The following SUMF1 variants were observed in gnomAD, a reference collection of about 807,000 sequenced individuals.
SUMF1 encodes formylglycine-generating enzyme.
SUMF1 carries 48 observed loss-of-function variants against 47.6 expected under a neutral mutation model. The ratio of observed to expected loss-of-function variants is 1.01; its 90% CI spans 0.80 to 1.28. The LOEUF is 1.28. Among genes scored for constraint, SUMF1 ranks in the 50% most tolerant of loss-of-function variants. SUMF1 has a pLI of 0.00. For missense variants in SUMF1, 571 were observed against 485.4 expected (o/e 1.18, Z -1.66); for synonymous variants, 230 against 192.1 (o/e 1.20, Z -1.63).
chr3:4,085,700 C>A (rs1240230002), intron 8 of SUMF1, among the ~76,000 whole-genome samples: 1 of 152,056 alleles, frequency 6.6e-6, no homozygotes, highest in Non-Finnish European at 1.5e-5. Flanking sequence ...TATATAAATG[C>A]TACAGAGACT....
intron 8 of SUMF1, among the ~76,000 whole-genome samples, chr3:4,299,134 T>A (rs1025771785): frequency 6.6e-6 from 1 of 152,232 alleles, no homozygotes; most frequent in Non-Finnish European, 1.5e-5. Context: ...CTATATCTGA[T>A]AAAATATTTA....
At chr3:4,435,597 C>G (rs1702371698) in intron 3 of SUMF1, among the ~76,000 whole-genome samples, 1 of 152,154 alleles carries the variant, frequency 6.6e-6, no homozygotes, top group African/African-American at 2.4e-5. Context: ...CCAAATGCAT[C>G]ATCATCAAAC....
intron 1 of SUMF1, among the ~76,000 whole-genome samples, chr3:4,462,651 C>G (rs558938936): frequency 6.6e-6 from 1 of 152,248 alleles, no homozygotes; most frequent in African/African-American, 2.4e-5. Flanking sequence ...CTCTCCTCAA[C>G]CTTAACATTA....
intron 8 of SUMF1, among the ~76,000 whole-genome samples, chr3:4,110,196 C>T (rs1281679360): frequency 6.6e-6 from 1 of 152,110 alleles, no homozygotes; most frequent in Non-Finnish European, 1.5e-5. Context: ...CCACTCCAGA[C>T]CCTGTTTGCC....
At chr3:4,254,315 G>C (rs1442187454) in intron 8 of SUMF1, among the ~76,000 whole-genome samples, 1 of 151,502 alleles carries the variant, frequency 6.6e-6, no homozygotes, top group Non-Finnish European at 1.5e-5. Context: ...AAATTACTCT[G>C]AGCTATGGGA....
intron 8 of SUMF1, among the ~76,000 whole-genome samples, chr3:4,133,337 C>A (rs4318536): frequency 0.024 from 3,693 of 152,052 alleles, 141 homozygotes; most frequent in African/African-American, 0.085. Flanking sequence ...ATAATTATGA[C>A]CTTATTATTG....
chr3:4,445,955 A>T (rs1443802646), intron 3 of SUMF1, among the ~76,000 whole-genome samples: 1 of 152,222 alleles, frequency 6.6e-6, no homozygotes. Context: ...GAAATATTTA[A>T]TCAAAAAATA....
At chr3:4,132,750 G>A (rs1031122906) in intron 8 of SUMF1, among the ~76,000 whole-genome samples, 2 of 152,102 alleles carry the variant, frequency 1.3e-5, no homozygotes, top group African/African-American at 4.8e-5. Context: ...GGCTAAGAAG[G>A]GAGTTACAGT....
At chr3:4,433,479 C>T (rs1702300693) in intron 3 of SUMF1, among the ~76,000 whole-genome samples, 1 of 152,150 alleles carries the variant, frequency 6.6e-6, no homozygotes. Context: ...TGAACAACTA[C>T]TCTTTTCAAA....
chr3:4,194,872 C>T (rs901665934), intron 8 of SUMF1, among the ~76,000 whole-genome samples: 8 of 152,042 alleles, frequency 5.3e-5, no homozygotes, highest in East Asian at 1.9e-4. Context: ...GATAAGCTAG[C>T]GGTAAAATAT....
intron 7 of SUMF1, among the ~76,000 whole-genome samples, chr3:4,406,198 C>T (rs1355360169): frequency 6.6e-6 from 1 of 152,098 alleles, no homozygotes; most frequent in Non-Finnish European, 1.5e-5. Flanking sequence ...ATAAAGTTTG[C>T]ACATACAATG....
intron 8 of SUMF1, among the ~76,000 whole-genome samples, chr3:4,069,429 A>G (rs1054589881): frequency 6.6e-6 from 1 of 152,212 alleles, no homozygotes; most frequent in Non-Finnish European, 1.5e-5. Context: ...TAATTTTATC[A>G]CTGAACTTAT....
rs572519924 is a variant in SUMF1 at position 4,456,764 on chromosome 3, A to G, written c.271-3715T>C. Among the ~76,000 whole-genome samples the G allele has an allele frequency of 1.5e-4, 21 of 139,364 alleles. No individual in the cohort carries two copies. In the East Asian group the frequency reaches 4.4e-3, roughly 29 times the overall value. 91.4% of individuals were successfully genotyped at this position (139,364 alleles called of 152,430 possible). On this transcript the variant is annotated intron_variant, in intron 1 of 8. Transcript: ENST00000272902. Reference sequence around the variant, plus strand: ...TACACACATATATACGTGTGTGTGTATATATACACATATATACGTGTGTGT... The same window carrying G: ...TACACACATATATACGTGTGTGTGTGTATATACACATATATACGTGTGTGT...
chr3:4,298,093 TC>T (rs1697890158), intron 8 of SUMF1, among the ~76,000 whole-genome samples: 1 of 152,166 alleles, frequency 6.6e-6, no homozygotes, highest in African/African-American at 2.4e-5. Context: ...CAGTGAAAAA[TC>T]CAAAAGAAAT....
At chr3:4,313,791 C>G (rs1698524460) in intron 8 of SUMF1, 6 of 1,613,256 alleles carry the variant, frequency 3.7e-6, no homozygotes, top group Non-Finnish European at 5.1e-6. Flanking sequence ...AGCAGCTTGC[C>G]CCTCCCTATA....
chr3:4,432,845 C>T (rs911129889), intron 3 of SUMF1, among the ~76,000 whole-genome samples: 3 of 152,092 alleles, frequency 2.0e-5, no homozygotes, highest in Non-Finnish European at 2.9e-5. Flanking sequence ...CAACCTAGCC[C>T]CTAGTACATA....
chr3:4,466,995 C>T lies in SUMF1; in HGVS notation c.251G>A (p.Arg84Gln), dbSNP rs762094231. The change falls in exon 1 of 9, where the codon CGG becomes CAG. Residue 84 changes from arginine (R) to glutamine (Q), a missense_variant. By Grantham distance (43) the Arg-to-Gln change is conservative (BLOSUM62 1). Coordinates refer to ENST00000272902, the MANE Select transcript of SUMF1 (RefSeq NM_182760.4). ...GAGCACCTTTGAGTGCGCGAGTTGC[C>T]GCTCTCCGGGTACGGGGCCCGGAGC... is the stretch of plus-strand genomic sequence containing the variant. Reference protein sequence around the residue: ...ANAPGPVPGERQLAHSKMVPI... With the variant: ...ANAPGPVPGEQQLAHSKMVPI... 68 of 1,600,870 alleles carry T rather than the reference C, an allele frequency of 4.2e-5. 2 individuals carry two copies. Among genetic ancestry groups the T allele is most frequent in the Admixed American group, 2.9e-4 (17 of 58,258 alleles).
At chr3:4,253,149 G>C (rs182758433) in intron 8 of SUMF1, among the ~76,000 whole-genome samples, 10 of 152,326 alleles carry the variant, frequency 6.6e-5, no homozygotes, top group Non-Finnish European at 1.3e-4. Flanking sequence ...CACAAGCTCA[G>C]TTTGGTTCAC....
chr3:4,354,663 A>C (rs555338111), intron 8 of SUMF1, among the ~76,000 whole-genome samples: 1 of 152,180 alleles, frequency 6.6e-6, no homozygotes, highest in South Asian at 2.1e-4. Context: ...GTCAAGGTTA[A>C]GCTTTTCTAT....
Sources: allele counts gnomAD v4.1 joint callset (sites outside exome capture counted in the v4.1 genomes callset), GRCh38; gene constraint gnomAD v4.1.1; transcripts MANE v1.5; gene names NCBI Gene and HGNC (gene_info 2026-07-23, HGNC 2026-07-21).